C2orf49: variants seen among roughly 807,000 people sequenced by gnomAD.
C2orf49 encodes tRNA splicing ligase complex subunit 2.
Under a neutral mutation model 20.6 loss-of-function variants are expected in C2orf49, and 11 were observed. The ratio of observed to expected loss-of-function variants is 0.53; its 90% confidence interval spans 0.34 to 0.88. The LOEUF (loss-of-function observed/expected upper bound fraction) is 0.88. Among genes scored for constraint, C2orf49 ranks in the 40% least tolerant of loss-of-function variants. C2orf49 has a pLI of 0.02. For synonymous variants in C2orf49, 134 were observed against 108.5 expected (o/e 1.24, Z -1.46); for missense variants, 289 against 274.2 (o/e 1.05, Z -0.38).
chr2:105,355,770 TTGTGTGTGTGTGTGTGTGTG>T, the C2orf49 span, among the ~76,000 whole-genome samples: 6 of 143,110 alleles, frequency 4.2e-5, no homozygotes, highest in Admixed American at 7.0e-5. Flanking sequence ...AGAAAAAATT[TTGTGTGTGTGTGTGTGTGTG>T]TGTGTGTGTG....
chr2:105,346,937 CT>C lies in C2orf49; in HGVS notation c.*1572del, dbSNP rs1180682045. On this transcript the variant is annotated 3_prime_UTR_variant, in exon 4 of 4. Coordinates refer to ENST00000258457, the MANE Select transcript of C2orf49 (RefSeq NM_024093.3). ...AAGCAAGAGCAAAGGATACTTCATA[CT>C]TTTTTCGTTATATGATTGATCTTCA... 1 of 152,134 alleles carries C rather than the reference CT, an allele frequency of 6.6e-6. No homozygotes were observed. Among genetic ancestry groups the C allele is most frequent in the Non-Finnish European group, 1.5e-5 (1 of 68,008 alleles). The allele number at this position is 152,134 out of a possible 1,614,324, so 9.4% of individuals were successfully genotyped here.
the C2orf49 span, chr2:105,375,212 C>T: frequency 2.0e-5 from 3 of 152,124 alleles, no homozygotes; most frequent in African/African-American, 7.2e-5. Context: ...GAACCTGGAA[C>T]CAAACTAGTT....
At chr2:105,371,340 G>T in the C2orf49 span, among the ~76,000 whole-genome samples, 6 of 152,184 alleles carry the variant, frequency 3.9e-5, no homozygotes, top group East Asian at 1.2e-3. Flanking sequence ...TAGGGGCAAA[G>T]ACTAAGGTTT....
At chr2:105,366,740 A>G in the C2orf49 span, among the ~76,000 whole-genome samples, 1 of 152,044 alleles carries the variant, frequency 6.6e-6, no homozygotes, top group Non-Finnish European at 1.5e-5. Flanking sequence ...AGATAAGTTT[A>G]TTTATTTATT....
At chr2:105,363,364 G>A in the C2orf49 span, 26 of 1,614,040 alleles carry the variant, frequency 1.6e-5, no homozygotes, top group East Asian at 2.5e-4. Flanking sequence ...CAAAGTCATC[G>A]CGAGCTGTGA....
At chr2:105,370,033 C>T in the C2orf49 span, among the ~76,000 whole-genome samples, 2 of 152,334 alleles carry the variant, frequency 1.3e-5, no homozygotes, top group Admixed American at 6.5e-5. Context: ...AAGTCTCCCG[C>T]AGGCGGAAGC....
chr2:105,356,117 T>G, the C2orf49 span, among the ~76,000 whole-genome samples: 1 of 152,038 alleles, frequency 6.6e-6, no homozygotes, highest in Admixed American at 6.5e-5. Flanking sequence ...CAGCCAGGTG[T>G]TGTGGCTCAC....
At chr2:105,378,155 T>G in the C2orf49 span, 1 of 471,188 alleles carries the variant, frequency 2.1e-6, no homozygotes, top group Non-Finnish European at 4.4e-6. Flanking sequence ...GACATGCACA[T>G]GGGTCCAAGG....
the C2orf49 span, among the ~76,000 whole-genome samples, chr2:105,372,489 T>G: frequency 1.3e-5 from 2 of 152,164 alleles, no homozygotes; most frequent in Non-Finnish European, 2.9e-5. Flanking sequence ...CCTTGCAAAG[T>G]GCTGGGATTA....
rs1365705867 is a variant in C2orf49, at chr2:105,349,029, T to C, written c.*3658T>C. 6.6e-6 allele frequency: 1 copy of C among 152,124 alleles called. No individual in the cohort carries two copies. Among genetic ancestry groups the C allele is most frequent in the African/African-American group, 2.4e-5 (1 of 41,410 alleles). 9.4% of individuals were successfully genotyped at this position (152,124 alleles called of 1,614,324 possible). Reference sequence around the variant, plus strand: ...TTGACTGTCACTACATGTTGAGGGATGGAAATAGAAGTCTCTGAACTTCCC... The same window carrying C: ...TTGACTGTCACTACATGTTGAGGGACGGAAATAGAAGTCTCTGAACTTCCC... On this transcript the variant is annotated 3_prime_UTR_variant, in exon 4 of 4. Transcript: ENST00000258457.
rs764172396 is a variant in C2orf49 at position 105,343,114 on chromosome 2, C to T, written c.533C>T (p.Thr178Met). 13 of 1,614,098 alleles carry T rather than the reference C, an allele frequency of 8.1e-6. No homozygotes were observed. The highest frequency in any genetic ancestry group is 2.2e-5 in the East Asian group (1 of 44,900). Reference sequence around the variant, plus strand: ...GACGCTAAACAGAACCATGACTTAACGCATAGGAAAAGTCCTTCAGGCCCT... The same window carrying T: ...GACGCTAAACAGAACCATGACTTAATGCATAGGAAAAGTCCTTCAGGCCCT... The part of the protein sequence containing the change: ...NNDAKQNHDL[T>M]HRKSPSGPVK... Residue 178 changes from threonine to methionine, a missense_variant, in exon 3 of 4, where the codon ACG becomes ATG. Thr to Met is a moderately conservative substitution (Grantham distance 81, BLOSUM62 -1). Coordinates refer to ENST00000258457, the MANE Select transcript of C2orf49 (RefSeq NM_024093.3).
chr2:105,361,551 G>A, the C2orf49 span: 2 of 851,208 alleles, frequency 2.3e-6, no homozygotes, highest in Non-Finnish European at 1.8e-6. Context: ...TATGGATAAT[G>A]TGAATTTCTA....
the C2orf49 span, among the ~76,000 whole-genome samples, chr2:105,369,751 C>T: frequency 6.6e-6 from 1 of 152,200 alleles, no homozygotes; most frequent in East Asian, 1.9e-4. Flanking sequence ...TCAAGCAGCC[C>T]AGAAGCCAAA....
chr2:105,367,885 GTA>G, the C2orf49 span: 1 of 725,850 alleles, frequency 1.4e-6, no homozygotes, highest in Non-Finnish European at 2.2e-6. Flanking sequence ...CTACATGGAG[GTA>G]ATTCCTATTT....
At chr2:105,380,982 C>G in the C2orf49 span, among the ~76,000 whole-genome samples, 1 of 152,192 alleles carries the variant, frequency 6.6e-6, no homozygotes, top group East Asian at 1.9e-4. Flanking sequence ...CCGAATGTGT[C>G]CTTTTTGAGA....
intron 3 of C2orf49, 99 bp downstream of exon 3, chr2:105,343,322 T>C (rs1679723781): frequency 1.3e-5 from 15 of 1,181,704 alleles, no homozygotes; most frequent in Non-Finnish European, 3.5e-6. Context: ...TACATTCTGT[T>C]CTTGAACCCT....
At chr2:105,358,197 C>T in the C2orf49 span, 1 of 152,230 alleles carries the variant, frequency 6.6e-6, no homozygotes, top group Non-Finnish European at 1.5e-5. Context: ...TGACAATCCC[C>T]TTAGGCAAAG....
chr2:105,338,117 T>C (rs1377044801), intron 1 of C2orf49, among the ~76,000 whole-genome samples: 5 of 152,154 alleles, frequency 3.3e-5, no homozygotes, highest in African/African-American at 4.8e-5. Context: ...TCCAGAGAGA[T>C]GAAGTGACTT....
chr2:105,379,946 T>TA, the C2orf49 span, among the ~76,000 whole-genome samples: 1 of 152,326 alleles, frequency 6.6e-6, no homozygotes, highest in South Asian at 2.1e-4. Context: ...CGTAGGTAAC[T>TA]AATTATGCCA....
Sources: allele counts gnomAD v4.1 joint callset (sites outside exome capture counted in the v4.1 genomes callset), GRCh38; gene constraint gnomAD v4.1.1; transcripts MANE v1.5; gene names NCBI Gene and HGNC (gene_info 2026-07-23, HGNC 2026-07-21).